The following MACROD2 variants were observed in gnomAD, a reference collection of about 807,000 sequenced individuals.
MACROD2 encodes the protein mono-ADP ribosylhydrolase 2.
MACROD2 carries 36 observed loss-of-function variants against 70.4 expected under a neutral mutation model. The observed-to-expected ratio is 0.51, with a 90% CI of 0.39 to 0.68. The LOEUF is 0.68. Ranked by LOEUF, MACROD2 falls within the 30% of genes least tolerant of loss-of-function variation. The pLI, the probability that MACROD2 is intolerant of heterozygous loss-of-function variation, is 0.00. For synonymous variants in MACROD2, 172 were observed against 178.8 expected (o/e 0.96, Z 0.30); for missense variants, 496 against 538.4 (o/e 0.92, Z 0.78).
At chr20:15,640,214 A>G (rs2049438244) in intron 8 of MACROD2, among the ~76,000 whole-genome samples, 1 of 152,158 alleles carries the variant, frequency 6.6e-6, no homozygotes. Flanking sequence ...GAGGGAGAAC[A>G]CATGCTAGAA....
intron 4 of MACROD2, among the ~76,000 whole-genome samples, chr20:14,499,333 C>G (rs985640865): frequency 1.6e-4 from 25 of 152,090 alleles, no homozygotes; most frequent in African/African-American, 2.4e-5. Context: ...GAGTTTGAGA[C>G]CAGCTTGGGC....
intron 3 of MACROD2, among the ~76,000 whole-genome samples, chr20:14,405,060 G>A (rs1486805321): frequency 2.0e-5 from 3 of 152,086 alleles, no homozygotes; most frequent in Non-Finnish European, 4.4e-5. Flanking sequence ...TATTACTAGA[G>A]TTAAATAATT....
intron 3 of MACROD2, among the ~76,000 whole-genome samples, chr20:14,481,164 T>G (rs1317714623): frequency 6.6e-6 from 1 of 152,160 alleles, no homozygotes; most frequent in Non-Finnish European, 1.5e-5. Context: ...AGTTTGCATT[T>G]ATTTGATGAA....
At chr20:15,041,604 C>T (rs143362840) in intron 5 of MACROD2, among the ~76,000 whole-genome samples, 2 of 151,988 alleles carry the variant, frequency 1.3e-5, no homozygotes, top group African/African-American at 2.4e-5. Flanking sequence ...TCACACCCAT[C>T]TAAATTTTTA....
chr20:14,228,749 T>C (rs2081770000), intron 3 of MACROD2, among the ~76,000 whole-genome samples: 1 of 152,174 alleles, frequency 6.6e-6, no homozygotes, highest in Non-Finnish European at 1.5e-5. Context: ...GGCTCATGCC[T>C]GTAATCCCAG....
intron 8 of MACROD2, among the ~76,000 whole-genome samples, chr20:15,680,019 A>G (rs2146856087): frequency 6.6e-6 from 1 of 152,314 alleles, no homozygotes. Context: ...CAGAGTGGAA[A>G]GGGAAGCCCT....
Position 15,666,991 on chromosome 20 carries a change from T to A in MACROD2, c.645+167144T>A, listed in dbSNP as rs189198895. ...ATAATTGAAATTTGCTGTATTTTTGTTTTCTTTTTCTATCTATCTATCAAT... is the reference window on the plus strand; with the variant it reads ...ATAATTGAAATTTGCTGTATTTTTGATTTCTTTTTCTATCTATCTATCAAT... On this transcript the variant is annotated intron_variant, in intron 8 of 17. Coordinates refer to ENST00000684519, the MANE Select transcript of MACROD2 (RefSeq NM_001351661.2). Among the ~76,000 whole-genome samples the A allele has an allele frequency of 4.9e-4, 75 of 152,294 alleles. 1 individual carries two copies. Among genetic ancestry groups the A allele is most frequent in the African/African-American group, 1.8e-3 (73 of 41,552 alleles).
At position 14,809,966 on chromosome 20, in the gene MACROD2, G is replaced by C. The variant is rs1423836838; in HGVS notation, c.418+125007G>C. On this transcript the variant is annotated intron_variant, in intron 5 of 17. Transcript: ENST00000684519. ...ATTAATAGCCTACCAACCAAAAAAA[G>C]GCCCAGGACCAGACAGATTCACAGC... is the stretch of plus-strand genomic sequence containing the variant. Among the ~76,000 whole-genome samples, 23 of 147,782 alleles carry C rather than the reference G, an allele frequency of 1.6e-4. No homozygotes were observed. In the East Asian group the frequency reaches 3.9e-3, roughly 25 times the overall value.
intron 1 of MACROD2, among the ~76,000 whole-genome samples, chr20:13,997,640 C>T (rs1035985899): frequency 6.6e-6 from 1 of 152,044 alleles, no homozygotes; most frequent in African/African-American, 2.4e-5. Context: ...GATTTCTTTT[C>T]TTCTAATAAT....
chr20:15,797,202 C>A (rs1049404785), intron 8 of MACROD2, among the ~76,000 whole-genome samples: 2 of 152,144 alleles, frequency 1.3e-5, no homozygotes, highest in East Asian at 3.9e-4. Flanking sequence ...CAAGCTCCGC[C>A]TCCCAGGTTC....
intron 6 of MACROD2, among the ~76,000 whole-genome samples, chr20:15,323,767 T>A (rs2077897412): frequency 6.6e-6 from 1 of 152,176 alleles, no homozygotes; most frequent in African/African-American, 2.4e-5. Context: ...CTCTAGTTTA[T>A]ACTCTCATCT....
At chr20:14,499,586 C>T (rs539065372) in intron 4 of MACROD2, among the ~76,000 whole-genome samples, 6 of 151,988 alleles carry the variant, frequency 3.9e-5, no homozygotes, top group Admixed American at 1.3e-4. Context: ...GCACTGTGGG[C>T]GGATAAGCCT....
chr20:14,281,055 T>C (rs904661755), intron 3 of MACROD2, among the ~76,000 whole-genome samples: 5 of 152,206 alleles, frequency 3.3e-5, no homozygotes, highest in Non-Finnish European at 5.9e-5. Context: ...ATGTTTAAAA[T>C]ATTAATTCAC....
intron 3 of MACROD2, among the ~76,000 whole-genome samples, chr20:14,259,738 G>A (rs2082086928): frequency 6.6e-6 from 1 of 152,244 alleles, no homozygotes; most frequent in African/African-American, 2.4e-5. Context: ...AAGTGCAACT[G>A]TAGAATTAAT....
chr20:15,717,478 A>G (rs1456416379), intron 8 of MACROD2, among the ~76,000 whole-genome samples: 3 of 152,240 alleles, frequency 2.0e-5, no homozygotes, highest in Non-Finnish European at 1.5e-5. Context: ...TTGGGAAAAT[A>G]TAAAACATTA....
intron 5 of MACROD2, among the ~76,000 whole-genome samples, chr20:14,843,154 G>A (rs996708225): frequency 7.7e-6 from 1 of 129,620 alleles, no homozygotes; most frequent in Non-Finnish European, 1.6e-5. Flanking sequence ...CTCATTTCAT[G>A]TTCATTAACT....
rs184101592 is a variant in MACROD2 at position 15,724,325 on chromosome 20, G to A, written c.646-138420G>A. ...TTTCATGGATTATGCCTTTGGTGTT[G>A]TATCTGATGAGTCATTGTCATACCC... On this transcript the variant is annotated intron_variant, in intron 8 of 17. Coordinates refer to ENST00000684519, the MANE Select transcript of MACROD2 (RefSeq NM_001351661.2). Among the ~76,000 whole-genome samples, 627 of 152,198 alleles carry A rather than the reference G, an allele frequency of 4.1e-3. 6 individuals carry two copies. The highest frequency in any genetic ancestry group is 0.014 in the African/African-American group (589 of 41,518).
intron 5 of MACROD2, among the ~76,000 whole-genome samples, chr20:14,780,065 T>TA (rs1185804773): frequency 6.6e-6 from 1 of 152,022 alleles, no homozygotes; most frequent in Non-Finnish European, 1.5e-5. Flanking sequence ...ATGCCACACT[T>TA]AAAAAAGTGG....
intron 3 of MACROD2, among the ~76,000 whole-genome samples, chr20:14,428,685 G>T (rs373397107): frequency 3.3e-5 from 5 of 152,232 alleles, no homozygotes; most frequent in African/African-American, 1.2e-4. Context: ...TGCCAGTAAG[G>T]GTTGCTTAGA....
Sources: gnomAD v4.1 joint callset for allele counts (sites outside exome capture counted in the v4.1 genomes callset) on GRCh38, gnomAD v4.1.1 for gene constraint, MANE v1.5 for transcripts, NCBI Gene and HGNC (gene_info 2026-07-23, HGNC 2026-07-21) for gene names.